WWOX: variants seen among roughly 807,000 people sequenced by gnomAD.
WWOX encodes the protein WW domain containing oxidoreductase, also known as WW domain-containing oxidoreductase.
In WWOX, 69 loss-of-function variants were observed where a neutral mutation model predicts 46.2. The ratio of observed to expected loss-of-function variants is 1.49; its 90% CI spans 1.23 to 1.82. The LOEUF is 1.82. WWOX is among the 40% of genes most tolerant of loss of function. The probability of loss-of-function intolerance (pLI) is 0.00; values close to 1 mark genes in which losing one functional copy is unlikely to be tolerated. For synonymous variants in WWOX, 359 were observed against 202.6 expected (o/e 1.77, Z -6.56); for missense variants, 919 against 542.6 (o/e 1.69, Z -6.89).
At chr16:78,518,930 C>T (rs955561554) in intron 8 of WWOX, among the ~76,000 whole-genome samples, 10 of 152,200 alleles carry the variant, frequency 6.6e-5, no homozygotes, top group Admixed American at 2.0e-4. Context: ...CTGTGGTCTT[C>T]TGAAGTATAG....
chr16:78,532,827 G>C (rs761362896), intron 8 of WWOX, among the ~76,000 whole-genome samples: 1 of 152,094 alleles, frequency 6.6e-6, no homozygotes, highest in Non-Finnish European at 1.5e-5. Context: ...CCTCCCACCT[G>C]GTCCCTCCTG....
intron 8 of WWOX, among the ~76,000 whole-genome samples, chr16:78,988,661 C>G (rs1040807325): frequency 1.3e-5 from 2 of 152,198 alleles, no homozygotes; most frequent in African/African-American, 4.8e-5. Context: ...TATTGGTCAA[C>G]TTTTTCAGGC....
At chr16:78,969,401 C>T (rs190911350) in intron 8 of WWOX, among the ~76,000 whole-genome samples, 141 of 152,200 alleles carry the variant, frequency 9.3e-4, no homozygotes, top group African/African-American at 3.0e-3. Context: ...TCCCGAGTAG[C>T]TGGGATTACA....
At chr16:78,810,778 G>A (rs969983142) in intron 8 of WWOX, among the ~76,000 whole-genome samples, 4 of 152,060 alleles carry the variant, frequency 2.6e-5, no homozygotes, top group African/African-American at 9.7e-5. Flanking sequence ...TTTCTTTTTG[G>A]AGACAAATCA....
chr16:78,652,269 C>T (rs1381725183), intron 8 of WWOX, among the ~76,000 whole-genome samples: 6 of 149,030 alleles, frequency 4.0e-5, no homozygotes, highest in African/African-American at 7.4e-5. Flanking sequence ...ATTAGCTGGG[C>T]GTGGTGGTGA....
At chr16:78,594,646 C>G (rs910380933) in intron 8 of WWOX, among the ~76,000 whole-genome samples, 1 of 152,092 alleles carries the variant, frequency 6.6e-6, no homozygotes, top group African/African-American at 2.4e-5. Context: ...AGTGCAGTGG[C>G]TCTGTATTTC....
At chr16:78,736,333 G>A (rs544736178) in intron 8 of WWOX, among the ~76,000 whole-genome samples, 31 of 152,232 alleles carry the variant, frequency 2.0e-4, no homozygotes, top group Non-Finnish European at 3.7e-4. Context: ...GGGCAAGGTG[G>A]ACAAGGATGC....
intron 5 of WWOX, among the ~76,000 whole-genome samples, chr16:78,201,835 G>C (rs932451717): frequency 2.0e-5 from 3 of 152,012 alleles, no homozygotes; most frequent in Admixed American, 2.0e-4. Flanking sequence ...GAGTAGCTGG[G>C]ACTACAGGCA....
chr16:78,811,280 T>C (rs2051181312), intron 8 of WWOX, among the ~76,000 whole-genome samples: 1 of 152,212 alleles, frequency 6.6e-6, no homozygotes, highest in Non-Finnish European at 1.5e-5. Context: ...TTGATGATCC[T>C]TCATTCTCTC....
chr16:78,392,594 T>G (rs1272511402), intron 6 of WWOX, among the ~76,000 whole-genome samples: 1 of 152,164 alleles, frequency 6.6e-6, no homozygotes, highest in Non-Finnish European at 1.5e-5. Flanking sequence ...TGGAAACCTC[T>G]GCTCTAGAGA....
At chr16:78,584,894 T>C (rs2151593471) in intron 8 of WWOX, among the ~76,000 whole-genome samples, 1 of 152,292 alleles carries the variant, frequency 6.6e-6, no homozygotes, top group South Asian at 2.1e-4. Context: ...TTTGAGAGAA[T>C]TTCCCATTCA....
At chr16:78,511,834 C>T (rs531519604) in intron 8 of WWOX, among the ~76,000 whole-genome samples, 1 of 152,160 alleles carries the variant, frequency 6.6e-6, no homozygotes, top group African/African-American at 2.4e-5. Context: ...GAAGGGTCTG[C>T]TGGAATGAGA....
intron 1 of WWOX, among the ~76,000 whole-genome samples, chr16:78,101,873 T>C (rs1392852375): frequency 6.6e-6 from 1 of 152,150 alleles, no homozygotes. Flanking sequence ...CCCAATCTTA[T>C]TAGGGCACAG....
At chr16:79,027,820 C>T (rs943543461) in intron 8 of WWOX, among the ~76,000 whole-genome samples, 3 of 151,868 alleles carry the variant, frequency 2.0e-5, no homozygotes, top group South Asian at 4.2e-4. Context: ...TTTGTGGTTG[C>T]CTAGTGTCTT....
chr16:78,459,619 C>T (rs2083904096), intron 8 of WWOX, among the ~76,000 whole-genome samples: 1 of 152,132 alleles, frequency 6.6e-6, no homozygotes, highest in Non-Finnish European at 1.5e-5. Context: ...AATCTACTTT[C>T]TGCATTTGCG....
At chr16:78,920,022 G>C (rs1308810667) in intron 8 of WWOX, among the ~76,000 whole-genome samples, 1 of 152,072 alleles carries the variant, frequency 6.6e-6, no homozygotes, top group Admixed American at 6.6e-5. Context: ...GAGGGTCATT[G>C]TATCAGTCAG....
chr16:79,040,564 C>T (rs2047951695), intron 8 of WWOX, among the ~76,000 whole-genome samples: 1 of 152,152 alleles, frequency 6.6e-6, no homozygotes, highest in African/African-American at 2.4e-5. Context: ...GTATCAGCCA[C>T]TGGGCCTGGC....
intron 5 of WWOX, among the ~76,000 whole-genome samples, chr16:78,323,093 G>T (rs934560205): frequency 2.6e-5 from 4 of 151,908 alleles, no homozygotes; most frequent in African/African-American, 7.3e-5. Flanking sequence ...GCTATGATTT[G>T]GGGTTCTTGT....
chr16:78,681,922 G>T (rs2047739267), intron 8 of WWOX, among the ~76,000 whole-genome samples: 1 of 152,158 alleles, frequency 6.6e-6, no homozygotes, highest in African/African-American at 2.4e-5. Flanking sequence ...CTAGTTCTGG[G>T]TTGGGGCCCA....
Sources: allele counts gnomAD v4.1 joint callset (sites outside exome capture counted in the v4.1 genomes callset), GRCh38; gene constraint gnomAD v4.1.1; transcripts MANE v1.5; gene names NCBI Gene and HGNC (gene_info 2026-07-23, HGNC 2026-07-21).